ADAMTSL1: variants seen among roughly 807,000 people sequenced by gnomAD.
The protein encoded by ADAMTSL1 is ADAMTS like 1.
In ADAMTSL1, 126 loss-of-function variants were observed where a neutral mutation model predicts 201.8. The ratio of observed to expected loss-of-function variants is 0.62; its 90% confidence interval spans 0.54 to 0.72. ADAMTSL1 has a LOEUF of 0.72. Among genes scored for constraint, ADAMTSL1 ranks in the 30% least tolerant of loss-of-function variants. ADAMTSL1 has a pLI of 0.00. For synonymous variants in ADAMTSL1, 1,121 were observed against 903.4 expected, an observed-to-expected ratio of 1.24 and a Z score of -4.32; for missense variants, 2,679 against 2,277.8, an observed-to-expected ratio of 1.18 and a Z score of -3.59.
intron 1 of ADAMTSL1, among the ~76,000 whole-genome samples, chr9:18,104,206 C>A (rs1048559965): frequency 2.0e-5 from 3 of 152,082 alleles, no homozygotes; most frequent in Admixed American, 2.0e-4. Context: ...ACAGTATCTC[C>A]CAGTTTCCAG....
At chr9:17,982,865 GTTCTCACT>G (rs1818766279) in intron 1 of ADAMTSL1, among the ~76,000 whole-genome samples, 2 of 151,638 alleles carry the variant, frequency 1.3e-5, no homozygotes, top group Non-Finnish European at 2.9e-5. Flanking sequence ...GATAATGGCA[GTTCTCACT>G]TGGGATGTTA....
intron 1 of ADAMTSL1, among the ~76,000 whole-genome samples, chr9:17,959,118 A>G (rs1340624769): frequency 1.3e-5 from 2 of 152,202 alleles, no homozygotes; most frequent in Non-Finnish European, 1.5e-5. Context: ...TTGAAATGTA[A>G]AAAGGAAACT....
intron 1 of ADAMTSL1, among the ~76,000 whole-genome samples, chr9:18,150,197 G>A (rs1279936696): frequency 6.6e-6 from 1 of 151,972 alleles, no homozygotes; most frequent in Non-Finnish European, 1.5e-5. Flanking sequence ...AGATTTCCAG[G>A]AATAATTGGT....
chr9:18,363,345 A>G (rs1365273926), intron 2 of ADAMTSL1, among the ~76,000 whole-genome samples: 2 of 152,220 alleles, frequency 1.3e-5, no homozygotes, highest in African/African-American at 4.8e-5. Context: ...TTGTGTAGGC[A>G]ATCCAATTTC....
chr9:18,611,772 A>G (rs941087359), intron 4 of ADAMTSL1, among the ~76,000 whole-genome samples: 10 of 152,116 alleles, frequency 6.6e-5, no homozygotes, highest in African/African-American at 2.4e-4. Context: ...CAGAAATAGG[A>G]CTCTTAAAAA....
intron 2 of ADAMTSL1, among the ~76,000 whole-genome samples, chr9:18,342,940 C>G (rs569706905): frequency 2.6e-5 from 4 of 152,168 alleles, no homozygotes; most frequent in African/African-American, 9.6e-5. Context: ...GCTCGGATGA[C>G]AAGATACACT....
At chr9:18,314,525 C>G (rs1834284658) in intron 2 of ADAMTSL1, among the ~76,000 whole-genome samples, 1 of 151,762 alleles carries the variant, frequency 6.6e-6, no homozygotes, top group Non-Finnish European at 1.5e-5. Flanking sequence ...TTCCTCCAGT[C>G]CAGAGTTGTT....
In ADAMTSL1 at chr9:18,760,294, A is replaced by G. The variant is rs141222066; in HGVS notation, c.2217+6786A>G. On this transcript the variant is annotated intron_variant, in intron 16 of 28. Coordinates refer to ENST00000380548, the MANE Select transcript of ADAMTSL1 (RefSeq NM_001040272.6). Reference sequence around the variant, plus strand: ...TTCCTTTCTAATCCCTCTCCTTACAATCAACTCATCAAACCCTTACAAACA... The same window carrying G: ...TTCCTTTCTAATCCCTCTCCTTACAGTCAACTCATCAAACCCTTACAAACA... Among the ~76,000 whole-genome samples, 50 of 152,066 alleles carry G rather than the reference A, an allele frequency of 3.3e-4. 1 individual carries two copies. The highest frequency in any genetic ancestry group is 6.8e-3 in the Middle Eastern group (2 of 294).
intron 1 of ADAMTSL1, among the ~76,000 whole-genome samples, chr9:18,160,487 C>T (rs140841055): frequency 0.025 from 3,840 of 152,054 alleles, 76 homozygotes; most frequent in Non-Finnish European, 0.034. Context: ...GCAAAACTAA[C>T]ACCACTGAAC....
At chr9:18,198,279 G>A (rs1163103056) in intron 2 of ADAMTSL1, among the ~76,000 whole-genome samples, 6 of 150,520 alleles carry the variant, frequency 4.0e-5, no homozygotes, top group Admixed American at 2.7e-4. Flanking sequence ...AAACTAAAGA[G>A]CTTCTGCACA....
chr9:18,712,500 C>T (rs988913635), intron 14 of ADAMTSL1, among the ~76,000 whole-genome samples: 36 of 151,494 alleles, frequency 2.4e-4, no homozygotes, highest in Non-Finnish European at 3.7e-4. Flanking sequence ...AGGGTATCAG[C>T]GATGGAAGAT....
intron 23 of ADAMTSL1, among the ~76,000 whole-genome samples, chr9:18,884,892 A>C (rs1034275978): frequency 6.6e-6 from 1 of 152,196 alleles, no homozygotes; most frequent in Non-Finnish European, 1.5e-5. Context: ...TATTCCATAT[A>C]AATTTTAGCA....
intron 1 of ADAMTSL1, among the ~76,000 whole-genome samples, chr9:18,484,045 C>G (rs1192503084): frequency 1.3e-5 from 2 of 152,168 alleles, no homozygotes; most frequent in Admixed American, 6.5e-5. Context: ...CATATGGGAT[C>G]TTGCATGTAG....
At chr9:17,999,248 A>C (rs1310237892) in intron 1 of ADAMTSL1, among the ~76,000 whole-genome samples, 3 of 152,020 alleles carry the variant, frequency 2.0e-5, no homozygotes, top group African/African-American at 7.2e-5. Context: ...ACTGTCTAAA[A>C]TACGGATTAT....
chr9:18,644,473 G>T (rs1252261834), intron 7 of ADAMTSL1, among the ~76,000 whole-genome samples: 1 of 151,784 alleles, frequency 6.6e-6, no homozygotes, highest in East Asian at 1.9e-4. Context: ...TGGCATGCTG[G>T]TGTGCTGCAC....
chr9:18,712,939 A>T (rs1437296141), intron 14 of ADAMTSL1, among the ~76,000 whole-genome samples: 1 of 150,468 alleles, frequency 6.6e-6, no homozygotes, highest in Non-Finnish European at 1.5e-5. Context: ...AGTGGGGGCC[A>T]ATATTCAACA....
chr9:18,772,738 T>A lies in ADAMTSL1; in HGVS notation c.2397+1957T>A, dbSNP rs552422819. Among the ~76,000 whole-genome samples, 229 of 152,296 alleles carry A rather than the reference T, an allele frequency of 1.5e-3. 1 individual carries two copies. The highest frequency in any genetic ancestry group is 5.4e-3 in the African/African-American group (226 of 41,564). On this transcript the variant is annotated intron_variant, in intron 17 of 28. Transcript: ENST00000380548. ...ATTGTCTTCCATTTGGGCTCACTTG[T>A]CATGAGAAGGAAAGGAAATGAAAGG...
At chr9:18,575,303 T>A (rs1272060874) in intron 4 of ADAMTSL1, among the ~76,000 whole-genome samples, 1 of 152,170 alleles carries the variant, frequency 6.6e-6, no homozygotes, top group East Asian at 1.9e-4. Context: ...TCAACCTTCC[T>A]AAAGTTTAAA....
At chr9:18,273,561 G>C (rs1313740551) in intron 2 of ADAMTSL1, among the ~76,000 whole-genome samples, 1 of 152,190 alleles carries the variant, frequency 6.6e-6, no homozygotes, top group Non-Finnish European at 1.5e-5. Context: ...AGGCCCCCTG[G>C]TTACATTTAT....
Sources: gnomAD v4.1 joint callset for allele counts (sites outside exome capture counted in the v4.1 genomes callset) on GRCh38, gnomAD v4.1.1 for gene constraint, MANE v1.5 for transcripts, NCBI Gene and HGNC (gene_info 2026-07-23, HGNC 2026-07-21) for gene names.